The following FBN3 variants were observed in gnomAD, a reference collection of about 807,000 sequenced individuals.
FBN3 encodes the protein fibrillin 3.
A neutral mutation model predicts 330.1 loss-of-function variants in FBN3; 234 were observed. The ratio of observed to expected loss-of-function variants is 0.71; its 90% CI spans 0.64 to 0.79. The LOEUF (loss-of-function observed/expected upper bound fraction) is 0.79, where lower values mean the gene tolerates loss of function less well. FBN3 is among the 30% of genes least tolerant of loss of function. The pLI, the probability that FBN3 is intolerant of heterozygous loss-of-function variation, is 0.00. For missense variants in FBN3, 3,606 were observed against 3,886.9 expected (o/e 0.93, Z 1.92); for synonymous variants, 1,458 against 1,517.3 (o/e 0.96, Z 0.91).
rs146343911 is a variant in FBN3 at position 8,142,096 on chromosome 19, C to A, written c.583G>T (p.Gly195Trp). ...AGGCCCGTCAGCTGATGCTGGCACCCCTCGGGGCCTACTTGGCCAAAGCAG... is the reference window on the plus strand; with the variant it reads ...AGGCCCGTCAGCTGATGCTGGCACCACTCGGGGCCTACTTGGCCAAAGCAG... ...GPCFGQVGPE[G>W]CQHQLTGLVC... Residue 195 changes from glycine to tryptophan, a missense_variant, in exon 7 of 64, where the codon GGG becomes TGG. Transcript: ENST00000600128. 3.7e-5 allele frequency: 59 copies of A among 1,613,238 alleles called. No homozygotes were observed. In the East Asian group the frequency reaches 1.3e-3, roughly 36 times the overall value.
At chr19:8,083,701 C>G (rs1469513014) in intron 56 of FBN3, among the ~76,000 whole-genome samples, 2 of 152,050 alleles carry the variant, frequency 1.3e-5, no homozygotes, top group African/African-American at 4.8e-5. Context: ...CACCTAGATG[C>G]TCCTGCAGAA....
rs2082566366 is a variant in FBN3, at chr19:8,110,965, C to T, written c.4213G>A (p.Val1405Met). ...PTEDHRACQD[V>M]DECAQGNLCA... ...AGGTTCCCTTGCGCACACTCGTCCA[C>T]ATCTGCGGGGACCCTGGGTCAGCCT... Residue 1405 changes from valine (V) to methionine (M), a missense_variant and splice_region_variant, in exon 34 of 64, where the codon GTG (valine) becomes ATG (methionine). By Grantham distance (21) the Val-to-Met change is conservative. Coordinates refer to ENST00000600128, the MANE Select transcript of FBN3 (RefSeq NM_032447.5). 6.2e-7 allele frequency: 1 copy of T among 1,614,276 alleles called. No homozygotes were observed. Among genetic ancestry groups the T allele is most frequent in the Non-Finnish European group, 8.5e-7 (1 of 1,180,050 alleles).
Position 8,100,900 on chromosome 19 carries a change from C to G in FBN3, c.5161+1G>C. The G allele has an allele frequency of 6.2e-7, 1 of 1,613,438 alleles. No homozygotes were observed. The highest frequency in any genetic ancestry group is 8.5e-7 in the Non-Finnish European group (1 of 1,179,622). Reference sequence around the variant, plus strand: ...GGATAGAGCAGGGACCACTCACTCACCAAGGGGCTTCCCCGTGTGGATGTC... The same window carrying G: ...GGATAGAGCAGGGACCACTCACTCAGCAAGGGGCTTCCCCGTGTGGATGTC... On this transcript the variant is annotated splice_donor_variant, in intron 41 of 63. Transcript: ENST00000600128. LOFTEE classifies it high-confidence loss of function.
chr19:8,141,656 T>C, intron 8 of FBN3, 61 bp downstream of exon 8: 1 of 1,548,686 alleles, frequency 6.5e-7, no homozygotes, highest in South Asian at 1.2e-5. Flanking sequence ...CAGGGGAGCC[T>C]GAGCCCCCCA....
chr19:8,118,718 A>C (rs112567693), intron 26 of FBN3, among the ~76,000 whole-genome samples, 179 bp downstream of exon 26: 3 of 152,076 alleles, frequency 2.0e-5, no homozygotes, highest in African/African-American at 7.2e-5. Context: ...CTTGCATATA[A>C]ACCCACTTAC....
chr19:8,139,886 C>G (rs759643991), intron 8 of FBN3, among the ~76,000 whole-genome samples: 5 of 152,004 alleles, frequency 3.3e-5, no homozygotes, highest in Non-Finnish European at 5.9e-5. Context: ...CACCCCTGAC[C>G]TGCCCCGAGC....
chr19:8,068,728 T>A (rs199777076), intron 63 of FBN3, among the ~76,000 whole-genome samples: 8 of 52,422 alleles, frequency 1.5e-4, no homozygotes, highest in South Asian at 1.1e-3. Flanking sequence ...AAATAAATAA[T>A]AAATCAATAA....
At chr19:8,135,873 TTG>T in intron 13 of FBN3, 86 bp downstream of exon 13, 1 of 1,466,458 alleles carries the variant, frequency 6.8e-7, no homozygotes, top group Non-Finnish European at 9.2e-7. Context: ...GGAGGTGGGT[TTG>T]GGGGCACAGT....
chr19:8,138,487 T>C lies in FBN3; in HGVS notation c.943A>G (p.Arg315Gly). The C allele has an allele frequency of 7.4e-6, 12 of 1,613,308 alleles. No homozygotes were observed. Among genetic ancestry groups the C allele is most frequent in the Non-Finnish European group, 9.3e-6 (11 of 1,180,006 alleles). ...AGDLAGHYTR[R>G]QCCCDRGRCW... ...CTGCCCCTGTCACAGCAGCACTGCCTGCGAGTGTAGTGGCCGGCGAGGTCT... is the reference window on the plus strand; with the variant it reads ...CTGCCCCTGTCACAGCAGCACTGCCCGCGAGTGTAGTGGCCGGCGAGGTCT... Residue 315 changes from arginine (R) to glycine (G), a missense_variant, in exon 9 of 64, where the codon AGG becomes GGG. By Grantham distance (125) the Arg-to-Gly change is moderately radical. Transcript: ENST00000600128.
At position 8,085,473 on chromosome 19, in the gene FBN3, C is replaced by A; in HGVS notation, c.6977G>T (p.Cys2326Phe). The change falls in exon 56 of 64, where the codon TGT becomes TTT. Residue 2326 changes from cysteine to phenylalanine, a missense_variant. Transcript: ENST00000600128. ...GGGCCCCCAGCCCCGGCCACCCCCA[C>A]AGCAGCACTCGGCCCTGGTGACAGC... is the stretch of plus-strand genomic sequence containing the variant. ...SEAVTRAECC[C>F]GGGRGWGPRC... The A allele has an allele frequency of 6.3e-7, 1 of 1,587,454 alleles. No individual in the cohort carries two copies. Among genetic ancestry groups the A allele is most frequent in the Non-Finnish European group, 8.6e-7 (1 of 1,167,564 alleles).
chr19:8,108,198 C>T lies in FBN3; in HGVS notation c.4659G>A (p.Gln1553=). ...CCAGAATGACAGTGATGCGGTTAGG[C>T]TGGAAGCCCTCACCACCCGGGCACA... ...RTLCPGGEGF[Q]PNRITVILED... Residue 1553 remains glutamine (Q), a synonymous_variant, in exon 37 of 64, where the codon CAG becomes CAA. Transcript: ENST00000600128. 1.9e-6 allele frequency: 3 copies of T among 1,612,942 alleles called. No homozygotes were observed. Among genetic ancestry groups the T allele is most frequent in the Non-Finnish European group, 2.5e-6 (3 of 1,179,610 alleles).
Position 8,081,102 on chromosome 19 carries a change from A to G in FBN3, c.7354T>C (p.Ser2452Pro), listed in dbSNP as rs1057060532. Residue 2452 changes from serine to proline, a missense_variant, in exon 59 of 64, where the codon TCC becomes CCC. By Grantham distance (74) the Ser-to-Pro change is moderately conservative. Transcript: ENST00000600128. ...RTCKDLDECT[S>P]RQHNCQFLCV... The stretch of plus-strand genomic sequence containing the variant: ...AGGAACTGACAGTTGTGCTGCCGGG[A>G]GGTGCATTCGTCCAGGTCTGCAGCA... 2.5e-6 allele frequency: 4 copies of G among 1,613,606 alleles called. No homozygotes were observed. In the African/African-American group the frequency reaches 4.0e-5, roughly 16 times the overall value.
intron 8 of FBN3, among the ~76,000 whole-genome samples, 165 bp from the exon 9 acceptor site, chr19:8,138,729 C>T (rs552781318): frequency 6.6e-6 from 1 of 152,298 alleles, no homozygotes; most frequent in African/African-American, 2.4e-5. Flanking sequence ...CCACCTCACC[C>T]GGGAAAAGTA....
Position 8,111,044 on chromosome 19 carries a change from G to A in FBN3, c.4210+14C>T, listed in dbSNP as rs371212256. 2.3e-5 allele frequency: 37 copies of A among 1,613,140 alleles called. No individual in the cohort carries two copies. Among genetic ancestry groups the A allele is most frequent in the African/African-American group, 1.9e-4 (14 of 74,912 alleles). On this transcript the variant is annotated intron_variant, in intron 33 of 63. Transcript: ENST00000600128. ...TACCCACTCTGTCCTCTGCCCTGGC[G>A]GGCCCAACCTTACCCTGGCAGGCCC...
chr19:8,123,314 A>C, intron 24 of FBN3, 150 bp downstream of exon 24: 2 of 816,664 alleles, frequency 2.4e-6, no homozygotes, highest in Non-Finnish European at 3.7e-6. Context: ...AGATCGTGCC[A>C]TTGCACTCCA....
chr19:8,100,451 C>G (rs940597804), intron 41 of FBN3, among the ~76,000 whole-genome samples: 1 of 152,010 alleles, frequency 6.6e-6, no homozygotes, highest in African/African-American at 2.4e-5. Context: ...AATTCTCATG[C>G]CTCAGCCTCC....
chr19:8,146,106 A>T (rs1427428635), intron 4 of FBN3, 21 bp downstream of exon 4: 1 of 1,566,680 alleles, frequency 6.4e-7, no homozygotes, highest in Non-Finnish European at 8.7e-7. Context: ...TCCCTCCCGC[A>T]AGAGGCCGCT....
intron 40 of FBN3, among the ~76,000 whole-genome samples, chr19:8,101,459 A>C (rs1251349214): frequency 6.6e-6 from 1 of 151,794 alleles, no homozygotes; most frequent in Non-Finnish European, 1.5e-5. Flanking sequence ...CTGTCAACAC[A>C]CTCTGTTCAG....
In FBN3 at chr19:8,127,848, G is replaced by A. The variant is rs191676089; in HGVS notation, c.2297-1016C>T. ...AAATACAAATTAGCTGGGCGTGATG[G>A]CACACGCCTGTAGTCCGGGCTACTT... On this transcript the variant is annotated intron_variant, in intron 18 of 63. Transcript: ENST00000600128. Among the ~76,000 whole-genome samples, 1,024 of 152,218 alleles carry A rather than the reference G, an allele frequency of 6.7e-3. 13 individuals carry two copies. The highest frequency in any genetic ancestry group is 0.023 in the African/African-American group (976 of 41,536).
Sources: gnomAD v4.1 joint callset for allele counts (sites outside exome capture counted in the v4.1 genomes callset) on GRCh38, gnomAD v4.1.1 for gene constraint, MANE v1.5 for transcripts, NCBI Gene and HGNC (gene_info 2026-07-23, HGNC 2026-07-21) for gene names.